The following NELL2 variants were observed in gnomAD, a reference collection of about 807,000 sequenced individuals.
NELL2 encodes the protein neural EGFL like 2, also known as protein kinase C-binding protein NELL2.
A neutral mutation model predicts 109.6 loss-of-function variants in NELL2; 41 were observed. That is an observed-to-expected ratio of 0.37 (90% CI 0.29 to 0.49). NELL2 has a LOEUF of 0.49. NELL2 is among the 20% of genes least tolerant of loss of function. The probability of loss-of-function intolerance (pLI) is 0.98; values close to 1 mark genes in which losing one functional copy is unlikely to be tolerated. For missense variants in NELL2, 900 were observed against 1,008.3 expected (o/e 0.89, Z 1.45); for synonymous variants, 355 against 344.7 (o/e 1.03, Z -0.33).
At chr12:44,830,576 C>A (rs890001092) in intron 2 of NELL2, among the ~76,000 whole-genome samples, 1 of 152,160 alleles carries the variant, frequency 6.6e-6, no homozygotes, top group African/African-American at 2.4e-5. Flanking sequence ...GTTTCAGACA[C>A]CAGCCTTCAT....
Position 44,639,805 on chromosome 12 carries a change from T to G in NELL2, c.1444+25679A>C, listed in dbSNP as rs186295141. 1.6e-4 allele frequency among the ~76,000 whole-genome samples: 25 copies of G among 152,268 alleles called. No homozygotes were observed. The East Asian group carries it at 4.6e-3, about 28-fold the overall frequency. On this transcript the variant is annotated intron_variant, in intron 13 of 19. Coordinates refer to ENST00000429094, the MANE Select transcript of NELL2 (RefSeq NM_001145108.2). The stretch of plus-strand genomic sequence containing the variant: ...CATGTCTCTCCTTTACTTAAAACAC[T>G]TCAATGGCTTACCATGACATCTAGC...
intron 12 of NELL2, among the ~76,000 whole-genome samples, chr12:44,680,824 G>C (rs915528950): frequency 1.3e-5 from 2 of 152,036 alleles, no homozygotes; most frequent in African/African-American, 4.8e-5. Context: ...TATTGTTGTT[G>C]TCCCCTAAAA....
At chr12:44,898,721 C>T (rs758210771) in intron 1 of NELL2, among the ~76,000 whole-genome samples, 2 of 152,102 alleles carry the variant, frequency 1.3e-5, no homozygotes, top group African/African-American at 2.4e-5. Context: ...CACAACTCCT[C>T]GCCAGCAAGG....
chr12:44,718,076 A>G (rs540808047), intron 9 of NELL2, among the ~76,000 whole-genome samples: 5 of 152,352 alleles, frequency 3.3e-5, no homozygotes, highest in African/African-American at 1.2e-4. Context: ...GATTTGAAAG[A>G]GAAAACTGAT....
At chr12:44,640,603 C>T (rs767657500) in intron 13 of NELL2, among the ~76,000 whole-genome samples, 12 of 151,536 alleles carry the variant, frequency 7.9e-5, no homozygotes, top group Non-Finnish European at 1.8e-4. Flanking sequence ...GCTTCAGTTG[C>T]TATTTTTGGA....
At chr12:44,779,605 T>A (rs1237351285) in intron 5 of NELL2, 58 bp downstream of exon 5, 3 of 1,379,024 alleles carry the variant, frequency 2.2e-6, no homozygotes, top group African/African-American at 1.4e-5. Context: ...AAAATCTACT[T>A]TTTGAAACTC....
In NELL2 at chr12:44,709,763, T is replaced by C. The variant is rs187907662; in HGVS notation, c.1189+1529A>G. 2.6e-3 allele frequency among the ~76,000 whole-genome samples: 398 copies of C among 152,288 alleles called. 3 individuals are homozygous for C. Among genetic ancestry groups the C allele is most frequent in the African/African-American group, 8.7e-3 (360 of 41,548 alleles). On this transcript the variant is annotated intron_variant, in intron 11 of 19. Coordinates refer to ENST00000429094, the MANE Select transcript of NELL2 (RefSeq NM_001145108.2). ...CATTTTAATAAGATGCCTAAGTTAG[T>C]CATATGTATATTTAAGTTTAAGAAA...
At chr12:44,765,530 G>C (rs61932427) in intron 9 of NELL2, among the ~76,000 whole-genome samples, 15,004 of 152,158 alleles carry the variant, frequency 0.099, 883 homozygotes, top group East Asian at 0.23. Flanking sequence ...GTGTGAACAG[G>C]AGCTGCAGCT....
Position 44,550,467 on chromosome 12 carries a change from C to G in NELL2, c.1664-17746G>C, listed in dbSNP as rs552182922. Among the ~76,000 whole-genome samples, 37 of 150,072 alleles carry G rather than the reference C, an allele frequency of 2.5e-4. No homozygotes were observed. In the South Asian group the frequency reaches 3.6e-3, roughly 15 times the overall value. On this transcript the variant is annotated intron_variant, in intron 15 of 19. Transcript: ENST00000429094. Reference sequence around the variant, plus strand: ...ACTGAGGCAGGAAAATCGCTTAAACCCGAGAGGTAGAGGTTGCAGAGAGCT... The same window carrying G: ...ACTGAGGCAGGAAAATCGCTTAAACGCGAGAGGTAGAGGTTGCAGAGAGCT...
At position 44,684,668 on chromosome 12, in the gene NELL2, G is replaced by A. The variant is rs374992076; in HGVS notation, c.1318+19058C>T. ...ACATCTTTATTTCTGCCTTCATTTC[G>A]TTATGTACCCACTAGTCATTCCGGA... On this transcript the variant is annotated intron_variant, in intron 12 of 19. Transcript: ENST00000429094. Among the ~76,000 whole-genome samples the A allele has an allele frequency of 1.3e-4, 20 of 152,152 alleles. No homozygotes were observed. In the East Asian group the frequency reaches 2.5e-3, roughly 19 times the overall value.
chr12:44,774,131 A>T (rs1182104795), intron 9 of NELL2, among the ~76,000 whole-genome samples: 2 of 152,242 alleles, frequency 1.3e-5, no homozygotes, highest in Non-Finnish European at 2.9e-5. Context: ...AATTATTTCC[A>T]TTATTTATTG....
chr12:44,711,521 G>A, intron 10 of NELL2, 127 bp from the exon 11 acceptor site: 4 of 641,672 alleles, frequency 6.2e-6, no homozygotes, highest in Non-Finnish European at 8.2e-6. Flanking sequence ...CCTCTGCACA[G>A]GTCATGGGCT....
chr12:44,705,001 A>G (rs1305206096), intron 11 of NELL2, among the ~76,000 whole-genome samples: 1 of 148,652 alleles, frequency 6.7e-6, no homozygotes, highest in Non-Finnish European at 1.5e-5. Flanking sequence ...CCTGGGCAAA[A>G]GAGTAGGACT....
intron 12 of NELL2, among the ~76,000 whole-genome samples, chr12:44,683,920 T>C (rs1322712124): frequency 3.3e-5 from 5 of 152,214 alleles, no homozygotes; most frequent in Non-Finnish European, 7.3e-5. Context: ...GGTATCAGGA[T>C]GATGCTGGCC....
intron 2 of NELL2, among the ~76,000 whole-genome samples, chr12:44,818,848 T>C (rs958685036): frequency 7.0e-6 from 1 of 143,882 alleles, no homozygotes; most frequent in African/African-American, 2.5e-5. Context: ...GTTCACGCCA[T>C]TCTCCTGCCT....
intron 15 of NELL2, among the ~76,000 whole-genome samples, chr12:44,537,059 A>C (rs1325442349): frequency 6.6e-6 from 1 of 151,210 alleles, no homozygotes; most frequent in Non-Finnish European, 1.5e-5. Context: ...AAAAAAAAAA[A>C]CAAGCTCATA....
chr12:44,732,939 A>G (rs1324169478), intron 9 of NELL2, among the ~76,000 whole-genome samples: 3 of 152,072 alleles, frequency 2.0e-5, no homozygotes, highest in Non-Finnish European at 2.9e-5. Context: ...CAATAGGTAT[A>G]TGAATAGATC....
At chr12:44,738,797 A>C (rs933397820) in intron 9 of NELL2, among the ~76,000 whole-genome samples, 1 of 152,234 alleles carries the variant, frequency 6.6e-6, no homozygotes, top group African/African-American at 2.4e-5. Flanking sequence ...AAACGTGCTA[A>C]GAAAGTAGAT....
intron 13 of NELL2, among the ~76,000 whole-genome samples, chr12:44,649,203 T>G (rs1264432152): frequency 6.6e-6 from 1 of 151,972 alleles, no homozygotes; most frequent in Non-Finnish European, 1.5e-5. Flanking sequence ...TCTCTCTTCC[T>G]CCTTCCCTCC....
Sources: allele counts gnomAD v4.1 joint callset (sites outside exome capture counted in the v4.1 genomes callset), GRCh38; gene constraint gnomAD v4.1.1; transcripts MANE v1.5; gene names NCBI Gene and HGNC (gene_info 2026-07-23, HGNC 2026-07-21).